The following WDR64 variants were observed in gnomAD, a reference collection of about 807,000 sequenced individuals.
WDR64 encodes the protein WD repeat-containing protein 64.
In WDR64, 112 loss-of-function variants were observed where a neutral mutation model predicts 139.3. The ratio of observed to expected loss-of-function variants is 0.80; its 90% CI spans 0.69 to 0.94. The LOEUF is 0.94. Ranked by LOEUF, WDR64 falls within the 40% of genes least tolerant of loss-of-function variation. WDR64 has a pLI of 0.00. For synonymous variants in WDR64, 444 were observed against 437.7 expected, an observed-to-expected ratio of 1.01 and a Z score of -0.18; for missense variants, 1,206 against 1,293.1, an observed-to-expected ratio of 0.93 and a Z score of 1.03.
chr1:241,655,122 C>T (rs779116355), intron 1 of WDR64, among the ~76,000 whole-genome samples: 23 of 152,192 alleles, frequency 1.5e-4, no homozygotes, highest in South Asian at 4.1e-4. Flanking sequence ...CGGTGGCTCA[C>T]GCCTATAATC....
At chr1:241,741,369 T>G (rs1669531856) in intron 11 of WDR64, 147 bp from the exon 12 acceptor site, 3 of 564,508 alleles carry the variant, frequency 5.3e-6, no homozygotes, top group Non-Finnish European at 8.7e-6. Flanking sequence ...AATGAAAATA[T>G]TCTCACCTCA....
rs748021529 is a variant in WDR64 at position 241,741,554 on chromosome 1, A to G, written c.1360A>G (p.Ile454Val). The change falls in exon 12 of 28, where the codon ATA (isoleucine) becomes GTA (valine). Residue 454 changes from isoleucine to valine, a missense_variant. Coordinates refer to ENST00000437684, the MANE Select transcript of WDR64 (RefSeq NM_001367482.1). Reference sequence around the variant, plus strand: ...GGACATGTATCCTTTGACTAGGATGATACAAGATACAAAACAGGTTCCTCA... The same window carrying G: ...GGACATGTATCCTTTGACTAGGATGGTACAAGATACAAAACAGGTTCCTCA... The part of the protein sequence containing the change: ...VMDMYPLTRM[I>V]QDTKQVPHTH... 2 of 1,613,258 alleles carry G rather than the reference A, an allele frequency of 1.2e-6. No homozygotes were observed. Among genetic ancestry groups the G allele is most frequent in the African/African-American group, 1.3e-5 (1 of 74,886 alleles).
intron 16 of WDR64, 100 bp from the exon 17 acceptor site, chr1:241,769,304 T>A (rs963697490): frequency 1.5e-5 from 13 of 865,266 alleles, no homozygotes; most frequent in Non-Finnish European, 2.3e-5. Flanking sequence ...AATATTAGCA[T>A]TTGAGGAATT....
chr1:241,661,473 A>G (rs555331149), intron 2 of WDR64, among the ~76,000 whole-genome samples: 1 of 152,264 alleles, frequency 6.6e-6, no homozygotes, highest in East Asian at 1.9e-4. Context: ...AAGTTTCTAC[A>G]AAGTCTTTGA....
intron 15 of WDR64, among the ~76,000 whole-genome samples, chr1:241,764,022 A>C (rs1041984724): frequency 6.6e-6 from 1 of 152,110 alleles, no homozygotes; most frequent in African/African-American, 2.4e-5. Context: ...AGTGAATCTC[A>C]AGTGGAAGAG....
chr1:241,660,642 A>G lies in WDR64; in HGVS notation c.258A>G (p.Ala86=). The change falls in exon 2 of 28, where the codon GCA becomes GCG. Residue 86 remains alanine, a synonymous_variant. Transcript: ENST00000437684. ...GGAAACTGTGCAACAACACGGATGCATCTGCAGACTGGTGTGAGGTAGACT... is the reference window on the plus strand; with the variant it reads ...GGAAACTGTGCAACAACACGGATGCGTCTGCAGACTGGTGTGAGGTAGACT... ...FYRKLCNNTD[A]SADWCEIFGY... 2 of 1,551,566 alleles carry G rather than the reference A, an allele frequency of 1.3e-6. No individual in the cohort carries two copies. The highest frequency in any genetic ancestry group is 8.7e-7 in the Non-Finnish European group (1 of 1,146,806).
chr1:241,753,765 G>A (rs1670066731), intron 14 of WDR64, among the ~76,000 whole-genome samples: 1 of 151,990 alleles, frequency 6.6e-6, no homozygotes, highest in African/African-American at 2.4e-5. Context: ...CATCACAATA[G>A]CAAACAAAAG....
chr1:241,738,328 T>C, intron 10 of WDR64, 35 bp from the exon 11 acceptor site: 12 of 1,605,228 alleles, frequency 7.5e-6, no homozygotes, highest in Non-Finnish European at 1.0e-5. Flanking sequence ...AAGGTGAGTA[T>C]AAATAGTGGT....
chr1:241,695,514 C>T (rs80189356), intron 8 of WDR64, among the ~76,000 whole-genome samples: 2,411 of 152,002 alleles, frequency 0.016, 62 homozygotes, highest in African/African-American at 0.056. Flanking sequence ...ATGCAAAGCA[C>T]GATATATCAA....
chr1:241,769,645 C>T, intron 17 of WDR64, 140 bp downstream of exon 17: 1 of 752,350 alleles, frequency 1.3e-6, no homozygotes, highest in Non-Finnish European at 2.1e-6. Flanking sequence ...AAAGAAGGGA[C>T]CACTGAAAAA....
intron 10 of WDR64, among the ~76,000 whole-genome samples, chr1:241,725,964 C>T (rs1668817089): frequency 6.6e-6 from 1 of 152,190 alleles, no homozygotes; most frequent in Non-Finnish European, 1.5e-5. Flanking sequence ...ATCCTCCCAC[C>T]TCAGCCTCCC....
intron 15 of WDR64, among the ~76,000 whole-genome samples, chr1:241,765,641 C>T (rs1374224013): frequency 1.3e-5 from 2 of 152,142 alleles, no homozygotes; most frequent in African/African-American, 4.8e-5. Flanking sequence ...AAGTTACATG[C>T]GTGCCTCCCT....
intron 19 of WDR64, 24 bp downstream of exon 19, chr1:241,771,721 C>CCTG (rs1210650523): frequency 7.1e-7 from 1 of 1,417,056 alleles, no homozygotes; most frequent in Non-Finnish European, 9.3e-7. Context: ...CACCTCTCTT[C>CCTG]TTTATAATAA....
At chr1:241,688,122 A>G (rs1434985684) in intron 8 of WDR64, among the ~76,000 whole-genome samples, 1 of 152,238 alleles carries the variant, frequency 6.6e-6, no homozygotes, top group Non-Finnish European at 1.5e-5. Context: ...ATTGAGATGT[A>G]TGCTACAACA....
Position 241,687,536 on chromosome 1 carries a change from C to T in WDR64, c.915C>T (p.Cys305=). The part of the protein sequence containing the change: ...YISALNCFGS[C]SLDSNHSLVL... Reference sequence around the variant, plus strand: ...CAGCCCTAAATTGTTTTGGATCCTGCTCCTTAGACAGTAATCATTCATTAG... The same window carrying T: ...CAGCCCTAAATTGTTTTGGATCCTGTTCCTTAGACAGTAATCATTCATTAG... Residue 305 remains cysteine, a synonymous_variant, in exon 8 of 28, where the codon TGC becomes TGT. Transcript: ENST00000437684. 2 of 1,613,620 alleles carry T rather than the reference C, an allele frequency of 1.2e-6. No individual in the cohort carries two copies. Among genetic ancestry groups the T allele is most frequent in the South Asian group, 2.2e-5 (2 of 91,064 alleles).
At chr1:241,716,963 G>T (rs1020823092) in intron 9 of WDR64, among the ~76,000 whole-genome samples, 2 of 152,170 alleles carry the variant, frequency 1.3e-5, no homozygotes, top group Non-Finnish European at 2.9e-5. Context: ...ACAAGTCATA[G>T]ATTTTCTTCT....
rs144946826 is a variant in WDR64, at chr1:241,766,499, G to A, written c.2081+148G>A. ...GAGGATCACTTAAGGCCAGGAGTTC[G>A]AGATCAGCCTTACCAACATGGTGAA... On this transcript the variant is annotated intron_variant, in intron 16 of 27. Coordinates refer to ENST00000437684, the MANE Select transcript of WDR64 (RefSeq NM_001367482.1). The A allele has an allele frequency of 1.8e-4, 161 of 871,468 alleles. 1 individual carries two copies. The African/African-American group carries it at 2.4e-3, about 13-fold the overall frequency. The allele number at this position is 871,468 out of a possible 1,614,324, so 54.0% of individuals were successfully genotyped here.
At chr1:241,780,452 T>C (rs985608807) in intron 22 of WDR64, among the ~76,000 whole-genome samples, 1 of 152,194 alleles carries the variant, frequency 6.6e-6, no homozygotes, top group Non-Finnish European at 1.5e-5. Flanking sequence ...CATTTAAGAA[T>C]TTTTTTCTTA....
intron 6 of WDR64, among the ~76,000 whole-genome samples, chr1:241,681,729 C>T (rs1666800093): frequency 6.6e-6 from 1 of 152,216 alleles, no homozygotes; most frequent in Non-Finnish European, 1.5e-5. Flanking sequence ...TACTAGTTTA[C>T]ATTCCCACCA....
Sources: allele counts gnomAD v4.1 joint callset (sites outside exome capture counted in the v4.1 genomes callset), GRCh38; gene constraint gnomAD v4.1.1; transcripts MANE v1.5; gene names NCBI Gene and HGNC (gene_info 2026-07-23, HGNC 2026-07-21).